Variants in DTNA observed in about 807,000 individuals in gnomAD.
DTNA encodes dystrobrevin alpha.
In DTNA, 43 loss-of-function variants were observed where a neutral mutation model predicts 100.7. That is an observed-to-expected ratio of 0.43 (90% CI 0.33 to 0.55). The LOEUF (loss-of-function observed/expected upper bound fraction) is 0.55, where lower values mean the gene tolerates loss of function less well. Among genes scored for constraint, DTNA ranks in the 20% least tolerant of loss-of-function variants. The probability of loss-of-function intolerance (pLI) is 0.04; values close to 1 mark genes in which losing one functional copy is unlikely to be tolerated. For missense variants in DTNA, 798 were observed against 953.9 expected, an observed-to-expected ratio of 0.84 and a Z score of 2.15; for synonymous variants, 349 against 347.9, an observed-to-expected ratio of 1.00 and a Z score of -0.04.
intron 21 of DTNA, among the ~76,000 whole-genome samples, chr18:34,883,208 G>A (rs2096890411): frequency 6.6e-6 from 1 of 152,150 alleles, no homozygotes; most frequent in South Asian, 2.1e-4. Flanking sequence ...TTTCAGGGAT[G>A]TTTGCCTGGT....
intron 1 of DTNA, among the ~76,000 whole-genome samples, chr18:34,711,617 G>T (rs1322271836): frequency 6.6e-6 from 1 of 152,136 alleles, no homozygotes; most frequent in Non-Finnish European, 1.5e-5. Context: ...GCACTAATTA[G>T]GATAAAAGCC....
At chr18:34,605,846 T>C (rs950583098) in intron 1 of DTNA, among the ~76,000 whole-genome samples, 4 of 152,198 alleles carry the variant, frequency 2.6e-5, no homozygotes, top group African/African-American at 9.6e-5. Context: ...AAATTACTTA[T>C]ATCTGGACAG....
In DTNA at chr18:34,848,295, G is replaced by A. The variant is rs772088612; in HGVS notation, c.1347-1G>A. The A allele has an allele frequency of 1.2e-6, 2 of 1,613,908 alleles. No homozygotes were observed. Among genetic ancestry groups the A allele is most frequent in the East Asian group, 2.2e-5 (1 of 44,878 alleles). ...TCTCCTTCTTGCTTTGTTCTTAATA[G>A]CATGCTTGAGAGTTCAAACCGGCTT... On this transcript the variant is annotated splice_acceptor_variant, in intron 13 of 22. Coordinates refer to ENST00000444659, the MANE Select transcript of DTNA (RefSeq NM_001386795.1). LOFTEE classifies it high-confidence loss of function.
intron 1 of DTNA, among the ~76,000 whole-genome samples, chr18:34,675,406 T>C (rs1336852429): frequency 6.6e-6 from 1 of 152,134 alleles, no homozygotes; most frequent in Non-Finnish European, 1.5e-5. Context: ...TCTTGAATAA[T>C]AATGAAAGTA....
intron 3 of DTNA, among the ~76,000 whole-genome samples, chr18:34,792,093 G>T (rs113232067): frequency 0.025 from 3,735 of 148,282 alleles, 159 homozygotes; most frequent in African/African-American, 0.087. Flanking sequence ...GTAACCTGTT[G>T]TTTTTTTTTT....
Position 34,887,800 on chromosome 18 carries a change from T to C in DTNA, c.*66T>C. ...AGTCAGACAGATGATGAAAGTAACA[T>C]GAAAACTGGTGATGATGGAGAGCCC... On this transcript the variant is annotated 3_prime_UTR_variant, in exon 23 of 23. Transcript: ENST00000444659. 1.0e-6 allele frequency: 1 copy of C among 985,682 alleles called. No homozygotes were observed. The highest frequency in any genetic ancestry group is 1.2e-6 in the Non-Finnish European group (1 of 829,930). 61.1% of individuals were successfully genotyped at this position (985,682 alleles called of 1,614,324 possible). A position where few individuals can be genotyped will look rare whatever the true frequency, so the allele number is the denominator to read the frequency against.
At chr18:34,871,796 C>T (rs2096768338) in intron 17 of DTNA, among the ~76,000 whole-genome samples, 2 of 152,226 alleles carry the variant, frequency 1.3e-5, no homozygotes, top group Non-Finnish European at 2.9e-5. Context: ...TCAAACTGGA[C>T]AGTGTCCTGA....
chr18:34,553,904 A>G (rs1379439089), intron 1 of DTNA, among the ~76,000 whole-genome samples: 2 of 151,332 alleles, frequency 1.3e-5, no homozygotes, highest in African/African-American at 2.4e-5. Flanking sequence ...GTTTTTTCCA[A>G]TTCTGTGAAG....
At chr18:34,680,406 T>C (rs1296097998) in intron 1 of DTNA, among the ~76,000 whole-genome samples, 4 of 152,200 alleles carry the variant, frequency 2.6e-5, no homozygotes, top group African/African-American at 7.2e-5. Flanking sequence ...TGTGTGGCTT[T>C]CCACCTCCTC....
chr18:34,854,005 G>A (rs1434049481), intron 15 of DTNA, among the ~76,000 whole-genome samples: 2 of 152,178 alleles, frequency 1.3e-5, no homozygotes. Flanking sequence ...GCAAGTAAAA[G>A]TGGGGACAGG....
At chr18:34,833,059 A>G (rs551151215) in intron 11 of DTNA, among the ~76,000 whole-genome samples, 9 of 152,282 alleles carry the variant, frequency 5.9e-5, no homozygotes, top group Admixed American at 3.3e-4. Flanking sequence ...TCTTTTAACC[A>G]TTGCGATAAT....
chr18:34,573,774 A>G (rs996047186), intron 1 of DTNA, among the ~76,000 whole-genome samples: 1 of 152,216 alleles, frequency 6.6e-6, no homozygotes, highest in Non-Finnish European at 1.5e-5. Context: ...TACAGCCACC[A>G]TGTTGTACAC....
intron 1 of DTNA, among the ~76,000 whole-genome samples, chr18:34,704,056 C>T (rs2146267535): frequency 6.6e-6 from 1 of 152,268 alleles, no homozygotes; most frequent in East Asian, 1.9e-4. Context: ...TTTTTTCTAA[C>T]TTGCTTTATT....
At chr18:34,600,395 T>C (rs1182460219) in intron 1 of DTNA, among the ~76,000 whole-genome samples, 2 of 152,228 alleles carry the variant, frequency 1.3e-5, no homozygotes, top group Non-Finnish European at 2.9e-5. Context: ...TTACTTTAAT[T>C]ATTTTTCTTT....
chr18:34,634,743 A>G (rs2058477552), intron 1 of DTNA, among the ~76,000 whole-genome samples: 1 of 152,232 alleles, frequency 6.6e-6, no homozygotes, highest in Non-Finnish European at 1.5e-5. Context: ...TATATACAAA[A>G]TGTTGTTTTG....
chr18:34,796,330 T>A (rs1469359132), intron 4 of DTNA, among the ~76,000 whole-genome samples: 1 of 152,246 alleles, frequency 6.6e-6, no homozygotes, highest in Admixed American at 6.5e-5. Context: ...GAAGTGAATA[T>A]AAGAAGAGAA....
chr18:34,810,123 C>T (rs2149306964), intron 5 of DTNA, among the ~76,000 whole-genome samples: 1 of 152,250 alleles, frequency 6.6e-6, no homozygotes, highest in African/African-American at 2.4e-5. Context: ...TGCTGTAAGC[C>T]TGGTATGTCA....
intron 1 of DTNA, among the ~76,000 whole-genome samples, chr18:34,582,892 G>A (rs187259323): frequency 1.7e-4 from 26 of 152,214 alleles, no homozygotes; most frequent in Non-Finnish European, 3.1e-4. Flanking sequence ...GTCCATATAC[G>A]AATCATCATG....
intron 11 of DTNA, among the ~76,000 whole-genome samples, chr18:34,835,414 A>C (rs2096118656): frequency 1.3e-5 from 2 of 152,258 alleles, no homozygotes; most frequent in Admixed American, 6.5e-5. Context: ...AACACAAAGA[A>C]AATGACAACA....
Sources: allele counts gnomAD v4.1 joint callset (sites outside exome capture counted in the v4.1 genomes callset), GRCh38; gene constraint gnomAD v4.1.1; transcripts MANE v1.5; gene names NCBI Gene and HGNC (gene_info 2026-07-23, HGNC 2026-07-21).